Variants in TRPV3 observed in about 807,000 individuals in gnomAD.
TRPV3 encodes the protein transient receptor potential cation channel subfamily V member 3, also known as VRL-3.
A neutral mutation model predicts 87.1 loss-of-function variants in TRPV3; 88 were observed. The observed-to-expected ratio is 1.01, with a 90% CI of 0.85 to 1.21. The LOEUF (loss-of-function observed/expected upper bound fraction) is 1.21. TRPV3 is among the 50% of genes most tolerant of loss of function. The pLI is 0.00. For missense variants in TRPV3, 1,054 were observed against 1,030.1 expected, an observed-to-expected ratio of 1.02 and a Z score of -0.32; for synonymous variants, 438 against 423.3, an observed-to-expected ratio of 1.03 and a Z score of -0.43.
At chr17:3,555,431 T>G (rs2150810500) in intron 1 of TRPV3, among the ~76,000 whole-genome samples, 2 of 152,356 alleles carry the variant, frequency 1.3e-5, no homozygotes, top group Admixed American at 1.3e-4. Flanking sequence ...GATTCCTCAG[T>G]GTCCAGGTGG....
rs987011054 is a variant in TRPV3, at chr17:3,557,209, C to G, written c.-3+467G>C. ...ACTGATTGAAATGGCCTTTCCCGGG[C>G]GACAGACCAGGCCGCGGAGCCACAG... On this transcript the variant is annotated intron_variant, in intron 1 of 17. Transcript: ENST00000576742. The surrounding 1 kb of genome is among the most constrained non-coding windows in gnomAD (Gnocchi z 4.5). Among the ~76,000 whole-genome samples the G allele has an allele frequency of 1.3e-5, 2 of 152,148 alleles. No homozygotes were observed. The highest frequency in any genetic ancestry group is 2.9e-5 in the Non-Finnish European group (2 of 68,016).
At chr17:3,551,867 A>ATTTTTTTTTTTT (rs2074577917) in intron 2 of TRPV3, among the ~76,000 whole-genome samples, 1 of 24,000 alleles carries the variant, frequency 4.2e-5, no homozygotes, top group Non-Finnish European at 1.2e-4. Flanking sequence ...CCTGTAATTT[A>ATTTTTTTTTTTT]TTCTTTTTTT....
In TRPV3 at chr17:3,525,173, C is replaced by T. The variant is rs563413428; in HGVS notation, c.1578-810G>A. 1.0e-3 allele frequency among the ~76,000 whole-genome samples: 157 copies of T among 152,260 alleles called. 5 individuals carry two copies. The South Asian group carries it at 0.031, about 30-fold the overall frequency. ...TAGCTGGGATTACAGGCACCCGCCA[C>T]CACACCAGGCTCATTTTTGTATTTT... On this transcript the variant is annotated intron_variant, in intron 12 of 17. Transcript: ENST00000576742.
At chr17:3,525,551 G>A (rs960537657) in intron 12 of TRPV3, among the ~76,000 whole-genome samples, 1 of 151,982 alleles carries the variant, frequency 6.6e-6, no homozygotes, top group East Asian at 1.9e-4. Context: ...GTACTTCACA[G>A]TATTGATTTC....
Position 3,535,644 on chromosome 17 carries a change from C to T in TRPV3, c.713G>A (p.Gly238Asp), listed in dbSNP as rs747223035. Reference sequence around the variant, plus strand: ...CTTGGCGTGCGCGTTGACGTCGGCGCCGGCGGCGATGAGCAGGGCTGCGAT... The same window carrying T: ...CTTGGCGTGCGCGTTGACGTCGGCGTCGGCGGCGATGAGCAGGGCTGCGAT... ...GDIAALLIAA[G>D]ADVNAHAKGA... is the part of the protein sequence containing the mutation. Residue 238 changes from glycine to aspartate, a missense_variant, in exon 7 of 18, where the codon GGC becomes GAC. Physicochemically the swap from Gly to Asp is moderately conservative, Grantham distance 94 (BLOSUM62 -1). Coordinates refer to ENST00000576742, the MANE Select transcript of TRPV3 (RefSeq NM_145068.4). 3.1e-6 allele frequency: 5 copies of T among 1,608,510 alleles called. No homozygotes were observed. The highest frequency in any genetic ancestry group is 1.7e-5 in the Admixed American group (1 of 59,542).
intron 9 of TRPV3, 51 bp downstream of exon 9, chr17:3,529,976 G>A (rs768990108): frequency 1.7e-5 from 26 of 1,566,942 alleles, no homozygotes; most frequent in African/African-American, 2.7e-5. Context: ...CCCCTGGCCT[G>A]AGGTCCAGCC....
rs769829281 is a variant in TRPV3 at position 3,516,575 on chromosome 17, G to A, written c.2086-6C>T. 6.2e-7 allele frequency: 1 copy of A among 1,610,652 alleles called. No homozygotes were observed. On this transcript the variant is annotated splice_polypyrimidine_tract_variant and splice_region_variant and intron_variant, in intron 15 of 17. Coordinates refer to ENST00000576742, the MANE Select transcript of TRPV3 (RefSeq NM_145068.4). ...TCCAAGATGGTCCTGGCTCTCTGGG[G>A]ACATAAGCAAGTCTAAGGAGTAGGC...
chr17:3,519,512 A>AGATGGATGGATGGATGGATG (rs1164210446), intron 14 of TRPV3, among the ~76,000 whole-genome samples: 1 of 56,556 alleles, frequency 1.8e-5, no homozygotes, highest in Non-Finnish European at 3.5e-5. Context: ...ATGGGTGATT[A>AGATGGATGGATGGATGGATG]GATGGATGGA....
chr17:3,518,854 A>T lies in TRPV3; in HGVS notation c.1811-4T>A. On this transcript the variant is annotated splice_polypyrimidine_tract_variant and splice_region_variant and intron_variant, in intron 14 of 17. Transcript: ENST00000576742. The surrounding 1 kb of genome is among the most constrained non-coding windows in gnomAD (Gnocchi z 4.3). ...TTCTCGATCAGCGAGGCCAAGGCTA[A>T]GGGAACATAACAGGGTGCTCTCCTC... 1 of 1,611,954 alleles carries T rather than the reference A, an allele frequency of 6.2e-7. No homozygotes were observed. The highest frequency in any genetic ancestry group is 8.5e-7 in the Non-Finnish European group (1 of 1,178,744).
At chr17:3,535,485 T>A in intron 7 of TRPV3, 88 bp downstream of exon 7, 9 of 986,956 alleles carry the variant, frequency 9.1e-6, no homozygotes, top group East Asian at 8.1e-5. Flanking sequence ...CCCTCCTCCC[T>A]TCTTCCCTCC....
rs1172527979 is a variant in TRPV3, at chr17:3,543,602, C to G, written c.338G>C (p.Arg113Thr). The G allele has an allele frequency of 6.2e-7, 1 of 1,614,186 alleles. No individual in the cohort carries two copies. Among genetic ancestry groups the G allele is most frequent in the South Asian group, 1.1e-5 (1 of 91,088 alleles). Residue 113 changes from arginine (R) to threonine (T), a missense_variant, in exon 5 of 18, where the codon AGG becomes ACG. Physicochemically the swap from Arg to Thr is moderately conservative, Grantham distance 71. Transcript: ENST00000576742. The stretch of plus-strand genomic sequence containing the variant: ...CTTCTTCAGCCGCCTCTTTTTCCTC[C>G]TCTGCTCTTCCTTGGCCAGCTGTGC... ...PSAQLAKEEQ[R>T]RKKRRLKKRI...
chr17:3,528,688 A>G lies in TRPV3; in HGVS notation c.1401+149T>C. On this transcript the variant is annotated intron_variant, in intron 10 of 17. Coordinates refer to ENST00000576742, the MANE Select transcript of TRPV3 (RefSeq NM_145068.4). The surrounding 1 kb of genome is among the most constrained non-coding windows in gnomAD (Gnocchi z 4.2). ...CAGGCTAAGCACTGAAGACATATTC[A>G]GTTCCCTGGGAAGCGTGAAGGACAA... is the stretch of plus-strand genomic sequence containing the variant. 2.2e-6 allele frequency: 2 copies of G among 901,444 alleles called. No homozygotes were observed. Among genetic ancestry groups the G allele is most frequent in the Non-Finnish European group, 3.3e-6 (2 of 605,360 alleles). The allele number at this position is 901,444 out of a possible 1,614,324, so 55.8% of individuals were successfully genotyped here.
intron 17 of TRPV3, 24 bp from the exon 18 acceptor site, chr17:3,514,035 T>C: frequency 6.5e-7 from 1 of 1,549,882 alleles, no homozygotes. Flanking sequence ...AAATATATAT[T>C]TTAGAAATAT....
At chr17:3,554,885 C>T (rs767509897) in intron 1 of TRPV3, 33 bp from the exon 2 acceptor site, 62 of 1,503,286 alleles carry the variant, frequency 4.1e-5, no homozygotes, top group Admixed American at 2.0e-4. Flanking sequence ...ATGCTCAGGC[C>T]GGGGGGACAG....
rs376975524 is a variant in TRPV3, at chr17:3,510,598, T to C, written c.*3319A>G. On this transcript the variant is annotated 3_prime_UTR_variant, in exon 18 of 18. Transcript: ENST00000576742. ...CTTTGTATGATTTCTTTCTTGAACA[T>C]AGAGTTTCGCACACACATACACACT... 1 of 152,234 alleles carries C rather than the reference T, an allele frequency of 6.6e-6. No individual in the cohort carries two copies. 9.4% of individuals were successfully genotyped at this position (152,234 alleles called of 1,614,324 possible). A position where few individuals can be genotyped will look rare whatever the true frequency, so the allele number is the denominator to read the frequency against.
At chr17:3,552,659 G>A (rs1222855769) in intron 2 of TRPV3, 1 of 152,286 alleles carries the variant, frequency 6.6e-6, no homozygotes, top group Non-Finnish European at 1.5e-5. Flanking sequence ...GGCGGAGGAG[G>A]CTTTGCAGAG....
chr17:3,527,694 T>G, intron 11 of TRPV3: 1 of 376,518 alleles, frequency 2.7e-6, no homozygotes, highest in Non-Finnish European at 5.0e-6. Context: ...TGAGTGGACA[T>G]GTGAATGGAT....
chr17:3,545,966 C>T (rs12451659), intron 2 of TRPV3, among the ~76,000 whole-genome samples: 27,541 of 134,234 alleles, frequency 0.21, 3,387 homozygotes, highest in East Asian at 0.48. Flanking sequence ...CTCCAGGCTG[C>T]GTGACAGAGC....
At position 3,516,478 on chromosome 17, in the gene TRPV3, T is replaced by A. The variant is rs1169355027; in HGVS notation, c.2177A>T (p.Asp726Val). Residue 726 changes from aspartate (D) to valine (V), a missense_variant, in exon 16 of 18, where the codon GAT becomes GTT. Asp to Val is a radical substitution (Grantham distance 152). Coordinates refer to ENST00000576742, the MANE Select transcript of TRPV3 (RefSeq NM_145068.4). ...TTACCGCAAACACAGTCGGAAATCA[T>A]CCTCGGCCACTTTGCACAGCTCTCC... ...RMGELCKVAE[D>V]DFRLCLRINE... 1 of 1,614,000 alleles carries A rather than the reference T, an allele frequency of 6.2e-7. No individual in the cohort carries two copies. The highest frequency in any genetic ancestry group is 1.1e-5 in the South Asian group (1 of 91,084).
Sources: allele counts gnomAD v4.1 joint callset (sites outside exome capture counted in the v4.1 genomes callset), GRCh38; gene constraint gnomAD v4.1.1; non-coding constraint Gnocchi (gnomAD v3.1); transcripts MANE v1.5; gene names NCBI Gene and HGNC (gene_info 2026-07-23, HGNC 2026-07-21).